NELL1: variants seen among roughly 807,000 people sequenced by gnomAD.
The protein encoded by NELL1 is neural EGFL like 1, also known as protein kinase C-binding protein NELL1.
Under a neutral mutation model 107.4 loss-of-function variants are expected in NELL1, and 76 were observed. That is an observed-to-expected ratio of 0.71 (90% CI 0.59 to 0.86). The LOEUF is 0.86. NELL1 is among the 40% of genes least tolerant of loss of function. NELL1 has a pLI of 0.00. For synonymous variants in NELL1, 353 were observed against 341.2 expected (o/e 1.03, Z -0.38); for missense variants, 1,024 against 1,005.5 (o/e 1.02, Z -0.25).
rs1215786550 is a variant in NELL1 at position 21,398,989 on chromosome 11, A to T, written c.1645+28041A>T. 2.6e-5 allele frequency among the ~76,000 whole-genome samples: 4 copies of T among 151,696 alleles called. No individual in the cohort carries two copies. In the East Asian group the frequency reaches 5.9e-4, roughly 22 times the overall value. ...AGTGACAGTACTCAGAATGGTTGTT[A>T]CAATATTCAGATTTGTCTTTTGGTG... On this transcript the variant is annotated intron_variant, in intron 15 of 19. Coordinates refer to ENST00000357134, the MANE Select transcript of NELL1 (RefSeq NM_006157.5).
chr11:20,878,787 T>C (rs1287894200), intron 4 of NELL1, among the ~76,000 whole-genome samples: 2 of 152,240 alleles, frequency 1.3e-5, no homozygotes, highest in African/African-American at 4.8e-5. Context: ...GTTCTCCTGT[T>C]CTGAATACAG....
At chr11:21,350,408 C>G (rs929131758) in intron 14 of NELL1, among the ~76,000 whole-genome samples, 2 of 151,866 alleles carry the variant, frequency 1.3e-5, no homozygotes, top group Admixed American at 6.6e-5. Flanking sequence ...TTAACAAATA[C>G]CATTGTCCAT....
chr11:21,383,282 C>T (rs1851655428), intron 15 of NELL1, among the ~76,000 whole-genome samples: 1 of 151,632 alleles, frequency 6.6e-6, no homozygotes, highest in African/African-American at 2.4e-5. Context: ...TTTTTTTGGG[C>T]TAACGTGGTT....
chr11:21,106,872 C>A (rs536738995), intron 12 of NELL1, among the ~76,000 whole-genome samples: 7 of 152,176 alleles, frequency 4.6e-5, no homozygotes, highest in East Asian at 3.9e-4. Context: ...TGATTCTATT[C>A]CCAGTGCAAT....
At chr11:21,492,898 T>C (rs978473941) in intron 15 of NELL1, among the ~76,000 whole-genome samples, 44 of 151,936 alleles carry the variant, frequency 2.9e-4, no homozygotes, top group African/African-American at 1.0e-3. Context: ...AGTATAATAA[T>C]AATAATAATA....
intron 6 of NELL1, among the ~76,000 whole-genome samples, chr11:20,918,673 C>T (rs943695990): frequency 6.6e-6 from 1 of 151,964 alleles, no homozygotes; most frequent in African/African-American, 2.4e-5. Flanking sequence ...GACTTATTCA[C>T]TACCATAAGA....
intron 15 of NELL1, among the ~76,000 whole-genome samples, chr11:21,491,432 C>A (rs1373970299): frequency 6.6e-6 from 1 of 152,094 alleles, no homozygotes; most frequent in African/African-American, 2.4e-5. Context: ...CCAGTTTTCC[C>A]AGCACCATTT....
chr11:21,097,330 C>T (rs1408983265), intron 12 of NELL1, among the ~76,000 whole-genome samples: 1 of 152,218 alleles, frequency 6.6e-6, no homozygotes, highest in African/African-American at 2.4e-5. Flanking sequence ...TTAATTCTCT[C>T]AGCAAGGCAA....
intron 19 of NELL1, 128 bp from the exon 20 acceptor site, chr11:21,574,844 A>T: frequency 1.4e-6 from 1 of 716,062 alleles, no homozygotes. Flanking sequence ...ATTTTTTTCT[A>T]GTCATTTTTT....
chr11:21,012,202 GCT>G (rs1852462179), intron 12 of NELL1, among the ~76,000 whole-genome samples: 1 of 152,116 alleles, frequency 6.6e-6, no homozygotes, highest in South Asian at 2.1e-4. Context: ...CATCCAGAAT[GCT>G]CTGTTTTTTA....
chr11:21,513,717 G>A (rs1262006840), intron 15 of NELL1, among the ~76,000 whole-genome samples: 1 of 152,006 alleles, frequency 6.6e-6, no homozygotes, highest in Non-Finnish European at 1.5e-5. Context: ...CAACTTCCAG[G>A]CATTATCTAA....
intron 12 of NELL1, 126 bp from the exon 13 acceptor site, chr11:21,113,463 T>A: frequency 4.4e-6 from 4 of 916,698 alleles, no homozygotes; most frequent in Non-Finnish European, 1.6e-6. Context: ...GCTTTTGTGT[T>A]TAATGCATGT....
chr11:21,178,504 C>T (rs971669328), intron 13 of NELL1, among the ~76,000 whole-genome samples: 19 of 151,852 alleles, frequency 1.3e-4, no homozygotes, highest in African/African-American at 4.4e-4. Flanking sequence ...TCGTAGCTCA[C>T]ACCTGTAATC....
intron 15 of NELL1, among the ~76,000 whole-genome samples, chr11:21,496,703 C>T (rs1167660691): frequency 6.6e-6 from 1 of 152,134 alleles, no homozygotes; most frequent in Non-Finnish European, 1.5e-5. Flanking sequence ...CCACAGCGCC[C>T]AGCCTGTTCT....
intron 2 of NELL1, among the ~76,000 whole-genome samples, chr11:20,686,717 T>A (rs1854313943): frequency 6.6e-6 from 1 of 152,144 alleles, no homozygotes. Flanking sequence ...TAGGTTACAG[T>A]TTACTATGTA....
At chr11:20,955,603 G>A (rs140694587) in intron 11 of NELL1, among the ~76,000 whole-genome samples, 54 of 152,198 alleles carry the variant, frequency 3.5e-4, no homozygotes, top group African/African-American at 1.3e-3. Flanking sequence ...GGCCACCATT[G>A]ACTGACCTCT....
intron 3 of NELL1, among the ~76,000 whole-genome samples, chr11:20,844,619 C>T (rs998973758): frequency 6.6e-5 from 10 of 152,118 alleles, no homozygotes; most frequent in African/African-American, 1.2e-4. Context: ...TACCTGGCAG[C>T]GCCACGTGGC....
At chr11:21,217,229 T>G (rs1318003796) in intron 13 of NELL1, among the ~76,000 whole-genome samples, 1 of 152,210 alleles carries the variant, frequency 6.6e-6, no homozygotes, top group Admixed American at 6.5e-5. Context: ...CACGTTTAAC[T>G]GTGAGTCAAT....
chr11:21,484,832 A>C (rs1015879646), intron 15 of NELL1, among the ~76,000 whole-genome samples: 1 of 152,152 alleles, frequency 6.6e-6, no homozygotes, highest in African/African-American at 2.4e-5. Flanking sequence ...ATGACTCCTT[A>C]CATGCAGTTA....
Sources: gnomAD v4.1 joint callset for allele counts (sites outside exome capture counted in the v4.1 genomes callset) on GRCh38, gnomAD v4.1.1 for gene constraint, MANE v1.5 for transcripts, NCBI Gene and HGNC (gene_info 2026-07-23, HGNC 2026-07-21) for gene names.